The following OR1J2 variants were observed in gnomAD, a reference collection of about 807,000 sequenced individuals.
OR1J2 encodes the protein olfactory receptor 1J2.
For synonymous variants in OR1J2, 142 were observed against 99.7 expected, an observed-to-expected ratio of 1.42 and a Z score of -2.52; for missense variants, 304 against 246.1, an observed-to-expected ratio of 1.24 and a Z score of -1.57.
the OR1J2 span, among the ~76,000 whole-genome samples, chr9:122,533,809 G>A: frequency 5.9e-5 from 9 of 152,178 alleles, no homozygotes; most frequent in African/African-American, 1.9e-4. Context: ...AGAAGGGGAC[G>A]GACTTACCCT....
chr9:122,496,992 C>G, the OR1J2 span, among the ~76,000 whole-genome samples: 6 of 152,078 alleles, frequency 3.9e-5, no homozygotes, highest in Admixed American at 1.3e-4. Context: ...TCACCCTGCT[C>G]CCACGCAGCA....
chr9:122,570,309 G>T, the OR1J2 span, among the ~76,000 whole-genome samples: 2 of 151,602 alleles, frequency 1.3e-5, no homozygotes, highest in African/African-American at 2.4e-5. Flanking sequence ...GTGTAAAATT[G>T]TTCCTATTTC....
the OR1J2 span, among the ~76,000 whole-genome samples, chr9:122,537,799 A>G: frequency 6.6e-6 from 1 of 152,326 alleles, no homozygotes; most frequent in East Asian, 1.9e-4. Context: ...AGGTCAGAGC[A>G]GAAGCACAAG....
At chr9:122,499,939 A>C in the OR1J2 span, among the ~76,000 whole-genome samples, 2 of 152,230 alleles carry the variant, frequency 1.3e-5, no homozygotes, top group Admixed American at 6.5e-5. Context: ...GTTGCTGCCC[A>C]GGAGAAGCCA....
At chr9:122,490,157 G>A in the OR1J2 span, among the ~76,000 whole-genome samples, 1 of 152,152 alleles carries the variant, frequency 6.6e-6, no homozygotes, top group Admixed American at 6.5e-5. Context: ...TTGTACTGGT[G>A]GCAGGGGAGA....
the OR1J2 span, among the ~76,000 whole-genome samples, chr9:122,534,253 G>A: frequency 2.6e-5 from 4 of 152,132 alleles, no homozygotes; most frequent in Admixed American, 2.6e-4. Context: ...GTCCTGTTGT[G>A]GGGTTTGAGG....
At chr9:122,578,748 G>T in the OR1J2 span, among the ~76,000 whole-genome samples, 5 of 152,242 alleles carry the variant, frequency 3.3e-5, no homozygotes, top group East Asian at 9.7e-4. Context: ...ATAAGTAGGA[G>T]CTGAGCTATG....
At chr9:122,449,024 GTAAGAACAAGATGACGTTTC>G in the OR1J2 span, 1 of 151,234 alleles carries the variant, frequency 6.6e-6, no homozygotes, top group African/African-American at 2.4e-5. Flanking sequence ...AAAAAGTAGG[GTAAGAACAAGATGACGTTTC>G]TGCAAGGTGA....
the OR1J2 span, among the ~76,000 whole-genome samples, chr9:122,466,016 A>C: frequency 6.6e-6 from 1 of 152,156 alleles, no homozygotes; most frequent in South Asian, 2.1e-4. Flanking sequence ...GACCTTTCAA[A>C]TTTGCTGATA....
the OR1J2 span, among the ~76,000 whole-genome samples, chr9:122,496,833 G>T: frequency 6.6e-6 from 1 of 152,094 alleles, no homozygotes; most frequent in Non-Finnish European, 1.5e-5. Flanking sequence ...GCAGAGGGGT[G>T]ACTTTGAATA....
the OR1J2 span, among the ~76,000 whole-genome samples, chr9:122,530,804 A>G: frequency 1.3e-5 from 2 of 152,190 alleles, no homozygotes; most frequent in African/African-American, 4.8e-5. Context: ...GGGGGCCACA[A>G]GGTGCTCAAT....
At chr9:122,500,384 G>A in the OR1J2 span, among the ~76,000 whole-genome samples, 1 of 152,158 alleles carries the variant, frequency 6.6e-6, no homozygotes, top group East Asian at 1.9e-4. Context: ...GCAGCTGGAT[G>A]CAGTCACAGG....
At chr9:122,534,396 C>T in the OR1J2 span, among the ~76,000 whole-genome samples, 1 of 152,008 alleles carries the variant, frequency 6.6e-6, no homozygotes, top group African/African-American at 2.4e-5. Flanking sequence ...TGCAACCAAA[C>T]GAGTCATGAA....
rs1354873646 is a variant in OR1J2 at position 122,511,106 on chromosome 9, A to T, written c.305A>T (p.Tyr102Phe). 6 of 980,146 alleles carry T rather than the reference A, an allele frequency of 6.1e-6. No homozygotes were observed. The highest frequency in any genetic ancestry group is 1.6e-5 in the African/African-American group (1 of 61,502). 60.7% of individuals were successfully genotyped at this position (980,146 alleles called of 1,614,324 possible). Residue 102 changes from tyrosine to phenylalanine, a missense_variant, in exon 1 of 1, where the codon TAT becomes TTT. Physicochemically the swap from Tyr to Phe is conservative, Grantham distance 22. Coordinates refer to ENST00000335302, the MANE Select transcript of OR1J2 (RefSeq NM_054107.1). ...ILYEECISQM[Y>F]FFIFFTDLDS... is the part of the protein sequence containing the mutation. ...TATGAGGAATGCATTTCTCAGATGT[A>T]TTTTTTTATATTTTTTACTGACCTG...
chr9:122,532,386 A>G, the OR1J2 span, among the ~76,000 whole-genome samples: 1 of 152,220 alleles, frequency 6.6e-6, no homozygotes, highest in African/African-American at 2.4e-5. Context: ...TGGAACCGCC[A>G]TCAATAAACC....
At chr9:122,506,650 G>A (rs558045324), upstream of OR1J2, among the ~76,000 whole-genome samples, 4 of 152,074 alleles carry the variant, frequency 2.6e-5, no homozygotes, top group Non-Finnish European at 5.9e-5. Context: ...AGCAATAGAT[G>A]AGTTTATAAG....
the OR1J2 span, among the ~76,000 whole-genome samples, chr9:122,538,035 A>G: frequency 6.6e-6 from 1 of 152,014 alleles, no homozygotes; most frequent in Admixed American, 6.6e-5. Flanking sequence ...CTTACTGTGC[A>G]TGTGTCGGGG....
At chr9:122,519,476 T>G in the OR1J2 span, 2 of 1,614,014 alleles carry the variant, frequency 1.2e-6, no homozygotes, top group Admixed American at 1.7e-5. Context: ...ATCTAGACAA[T>G]TTCCTTCTCA....
At chr9:122,490,451 G>A in the OR1J2 span, among the ~76,000 whole-genome samples, 11 of 152,260 alleles carry the variant, frequency 7.2e-5, no homozygotes, top group Middle Eastern at 3.4e-3. Flanking sequence ...GATAAAGCTT[G>A]TTTACCCTTA....
Sources: gnomAD v4.1 joint callset for allele counts (sites outside exome capture counted in the v4.1 genomes callset) on GRCh38, gnomAD v4.1.1 for gene constraint, MANE v1.5 for transcripts, NCBI Gene and HGNC (gene_info 2026-07-23, HGNC 2026-07-21) for gene names.